Variants in CNTN6 observed in about 807,000 individuals in gnomAD.
The protein encoded by CNTN6 is contactin 6, also known as contactin-6.
Under a neutral mutation model 122.8 loss-of-function variants are expected in CNTN6, and 137 were observed. That is an observed-to-expected ratio of 1.12 (90% CI 0.97 to 1.29). CNTN6 has a LOEUF of 1.29. Ranked by LOEUF, CNTN6 falls within the 50% of genes most tolerant of loss-of-function variation. The pLI is 0.00. For synonymous variants in CNTN6, 570 were observed against 426.0 expected, an observed-to-expected ratio of 1.34 and a Z score of -4.16; for missense variants, 1,634 against 1,223.4, an observed-to-expected ratio of 1.34 and a Z score of -5.01.
intron 7 of CNTN6, among the ~76,000 whole-genome samples, chr3:1,313,519 A>G (rs911740203): frequency 6.6e-6 from 1 of 152,112 alleles, no homozygotes; most frequent in Non-Finnish European, 1.5e-5. Context: ...TAGTTAATGT[A>G]AAGAGAACAC....
At position 1,124,356 on chromosome 3, in the gene CNTN6, TC is replaced by T. The variant is rs2092078827; in HGVS notation, c.-82-23567del. 3.3e-5 allele frequency among the ~76,000 whole-genome samples: 5 copies of T among 152,032 alleles called. No individual in the cohort carries two copies. The South Asian group carries it at 1.0e-3, about 32-fold the overall frequency. ...CTCTCTAGCCTGTCATTCTGTCTTT[TC>T]CCCTCCATCTCCTCCAAACACATAA... On this transcript the variant is annotated intron_variant, in intron 1 of 22. Coordinates refer to ENST00000446702, the MANE Select transcript of CNTN6 (RefSeq NM_001289080.2).
rs927144707 is a variant in CNTN6, at chr3:1,373,962, G to A, written c.1984G>A (p.Val662Met). The A allele has an allele frequency of 1.9e-6, 3 of 1,613,062 alleles. No homozygotes were observed. The highest frequency in any genetic ancestry group is 2.5e-6 in the Non-Finnish European group (3 of 1,179,378). ...CAATGGTAAGACATACAATGCAACA[G>A]TGGTTGGTTTGAGTCCTTGGGTGGA... ...ILNGKTYNAT[V>M]VGLSPWVEYE... Residue 662 changes from valine (V) to methionine (M), a missense_variant, in exon 16 of 23, where the codon GTG (valine) becomes ATG (methionine). Coordinates refer to ENST00000446702, the MANE Select transcript of CNTN6 (RefSeq NM_001289080.2).
At chr3:1,263,338 C>T (rs2094877463) in intron 4 of CNTN6, among the ~76,000 whole-genome samples, 2 of 152,296 alleles carry the variant, frequency 1.3e-5, no homozygotes, top group South Asian at 4.1e-4. Context: ...AGCTTTCCAT[C>T]TGTTTGAGGG....
At chr3:1,161,526 CAT>C (rs773048257) in intron 2 of CNTN6, among the ~76,000 whole-genome samples, 44 of 151,682 alleles carry the variant, frequency 2.9e-4, no homozygotes, top group East Asian at 5.8e-4. Context: ...TGATAATAAA[CAT>C]GTGTATATAC....
At chr3:1,094,599 T>A (rs1376823467) in intron 1 of CNTN6, among the ~76,000 whole-genome samples, 2 of 151,680 alleles carry the variant, frequency 1.3e-5, no homozygotes, top group Admixed American at 1.3e-4. Context: ...AGGACCAGAA[T>A]TTTTTTTTAG....
intron 3 of CNTN6, among the ~76,000 whole-genome samples, chr3:1,226,655 G>C (rs1403231219): frequency 6.6e-6 from 1 of 151,998 alleles, no homozygotes; most frequent in Non-Finnish European, 1.5e-5. Context: ...CTGCAGGACT[G>C]TCTACTCTTC....
Position 1,388,378 on chromosome 3 carries a change from A to C in CNTN6, c.2704+2581A>C, listed in dbSNP as rs7616438. 8.4e-3 allele frequency among the ~76,000 whole-genome samples: 1,212 copies of C among 143,594 alleles called. 4 individuals are homozygous for C. The highest frequency in any genetic ancestry group is 0.018 in the Middle Eastern group (5 of 278). The allele number at this position is 143,594 out of a possible 152,430, so 94.2% of individuals were successfully genotyped here. A position where few individuals can be genotyped will look rare whatever the true frequency, so the allele number is the denominator to read the frequency against. ...TGTCTGTTAGAAGGAAAACTAACAA[A>C]CAGAAAGGACATCCACACCAAAAAC... On this transcript the variant is annotated intron_variant, in intron 20 of 22. Transcript: ENST00000446702.
At chr3:1,394,285 T>C (rs774016979) in intron 20 of CNTN6, 1 of 203,098 alleles carries the variant, frequency 4.9e-6, no homozygotes, top group Non-Finnish European at 1.0e-5. Flanking sequence ...ACCAAGATGA[T>C]AGCAGTGACG....
intron 7 of CNTN6, among the ~76,000 whole-genome samples, chr3:1,300,581 GAAAGAAAGAAAGAA>G (rs1697180231): frequency 5.1e-5 from 2 of 39,590 alleles, no homozygotes; most frequent in African/African-American, 1.2e-4. Context: ...AAGAAAGAAA[GAAAGAAAGAAAGAA>G]AGAAAGAAAG....
intron 12 of CNTN6, among the ~76,000 whole-genome samples, chr3:1,356,106 G>C (rs570960872): frequency 3.8e-4 from 57 of 151,862 alleles, no homozygotes; most frequent in African/African-American, 1.3e-3. Context: ...GGAGGACTGA[G>C]ATTAAAATTA....
intron 1 of CNTN6, among the ~76,000 whole-genome samples, chr3:1,101,295 A>T (rs896144410): frequency 1.3e-5 from 2 of 152,158 alleles, no homozygotes; most frequent in African/African-American, 4.8e-5. Flanking sequence ...TTCCAACTTT[A>T]CAATCTCCTT....
At chr3:1,215,467 G>A (rs2094117504) in intron 2 of CNTN6, among the ~76,000 whole-genome samples, 1 of 152,060 alleles carries the variant, frequency 6.6e-6, no homozygotes, top group Non-Finnish European at 1.5e-5. Context: ...GTTATTTATT[G>A]ATGTTGCCTG....
chr3:1,114,416 A>G (rs1034515570), intron 1 of CNTN6, among the ~76,000 whole-genome samples: 5 of 152,194 alleles, frequency 3.3e-5, no homozygotes, highest in Admixed American at 3.3e-4. Context: ...GAATAGAAGT[A>G]ATGACATAGA....
rs1645017735 is a variant in CNTN6, at chr3:1,245,297, TA to T, written c.358+17305del. Among the ~76,000 whole-genome samples the T allele has an allele frequency of 9.5e-4, 4 of 4,228 alleles. 1 individual carries two copies. The highest frequency in any genetic ancestry group is 1.8e-3 in the Non-Finnish European group (4 of 2,244). 2.8% of individuals were successfully genotyped at this position (4,228 alleles called of 152,430 possible). A position where few individuals can be genotyped will look rare whatever the true frequency, so the allele number is the denominator to read the frequency against. ...TATACACACACATATATATATAACA[TA>T]TATATATATATATATATATATATAT... On this transcript the variant is annotated intron_variant, in intron 4 of 22. Transcript: ENST00000446702.
chr3:1,363,639 A>G (rs775049830), intron 12 of CNTN6, among the ~76,000 whole-genome samples: 2 of 152,066 alleles, frequency 1.3e-5, no homozygotes, highest in Non-Finnish European at 1.5e-5. Context: ...TACACATGTC[A>G]CAATTTATTT....
At chr3:1,195,993 G>T (rs1439107429) in intron 2 of CNTN6, among the ~76,000 whole-genome samples, 2 of 152,022 alleles carry the variant, frequency 1.3e-5, no homozygotes, top group African/African-American at 4.8e-5. Context: ...ATGAAAAAGT[G>T]CTGTCTTTGT....
intron 4 of CNTN6, among the ~76,000 whole-genome samples, chr3:1,243,940 G>A (rs2094523404): frequency 6.6e-6 from 1 of 152,034 alleles, no homozygotes; most frequent in South Asian, 2.1e-4. Flanking sequence ...GAAAGAAGGA[G>A]GATCTGGGAG....
intron 6 of CNTN6, among the ~76,000 whole-genome samples, chr3:1,297,111 G>A (rs1696370194): frequency 6.6e-6 from 1 of 151,918 alleles, no homozygotes; most frequent in African/African-American, 2.4e-5. Context: ...CTCTTTGAAT[G>A]TTTATAATGA....
chr3:1,150,273 A>G (rs940743963), intron 2 of CNTN6, among the ~76,000 whole-genome samples: 3 of 152,204 alleles, frequency 2.0e-5, no homozygotes, highest in African/African-American at 7.2e-5. Flanking sequence ...TAGTGATAAT[A>G]TCTTGTTTTT....
Sources: allele counts gnomAD v4.1 joint callset (sites outside exome capture counted in the v4.1 genomes callset), GRCh38; gene constraint gnomAD v4.1.1; transcripts MANE v1.5; gene names NCBI Gene and HGNC (gene_info 2026-07-23, HGNC 2026-07-21).